CSMD1: variants seen among roughly 807,000 people sequenced by gnomAD.
CSMD1 encodes CUB and sushi domain-containing protein 1.
In CSMD1, 213 loss-of-function variants were observed where a neutral mutation model predicts 417.5. The ratio of observed to expected loss-of-function variants is 0.51; its 90% CI spans 0.46 to 0.57. The LOEUF is 0.57. Among genes scored for constraint, CSMD1 ranks in the 20% least tolerant of loss-of-function variants. CSMD1 has a pLI of 0.00. For missense variants in CSMD1, 6,923 were observed against 4,529.7 expected (o/e 1.53, Z -15.17); for synonymous variants, 2,862 against 1,736.8 (o/e 1.65, Z -16.11).
chr8:4,753,398 A>C (rs1411529907), intron 1 of CSMD1, among the ~76,000 whole-genome samples: 1 of 135,268 alleles, frequency 7.4e-6, no homozygotes, highest in Admixed American at 7.4e-5. Context: ...ACTTTCCACC[A>C]TAAACCACAC....
At chr8:3,327,770 T>A (rs1388231477) in intron 23 of CSMD1, among the ~76,000 whole-genome samples, 1 of 152,218 alleles carries the variant, frequency 6.6e-6, no homozygotes, top group Admixed American at 6.5e-5. Flanking sequence ...TAAATCAGTT[T>A]ATCTTTTAAA....
chr8:3,799,297 G>A (rs1244187097), intron 5 of CSMD1, among the ~76,000 whole-genome samples: 3 of 151,188 alleles, frequency 2.0e-5, no homozygotes, highest in Non-Finnish European at 4.4e-5. Context: ...TGCACAATGT[G>A]CAGGTTTGTT....
At chr8:4,666,779 C>T (rs1156915491) in intron 1 of CSMD1, among the ~76,000 whole-genome samples, 1 of 152,056 alleles carries the variant, frequency 6.6e-6, no homozygotes, top group African/African-American at 2.4e-5. Flanking sequence ...TTTGCAAAAA[C>T]GTTCTCACAT....
intron 1 of CSMD1, among the ~76,000 whole-genome samples, chr8:4,988,828 G>T (rs10088814): frequency 0.039 from 5,936 of 152,244 alleles, 370 homozygotes; most frequent in African/African-American, 0.13. Flanking sequence ...TCTGCTGGAG[G>T]GAAAAAACAA....
chr8:3,917,907 G>T (rs2912295), intron 5 of CSMD1, among the ~76,000 whole-genome samples: 33,251 of 151,974 alleles, frequency 0.22, 4,365 homozygotes, highest in African/African-American at 0.35. Context: ...AAAATTTAAA[G>T]TTCTCAGTGT....
At chr8:4,273,588 T>A (rs1804736542) in intron 3 of CSMD1, among the ~76,000 whole-genome samples, 1 of 152,204 alleles carries the variant, frequency 6.6e-6, no homozygotes, top group African/African-American at 2.4e-5. Flanking sequence ...TTATCATTTG[T>A]CGTTCATTTG....
chr8:3,373,407 G>C (rs1810100374), intron 18 of CSMD1: 2 of 152,088 alleles, frequency 1.3e-5, no homozygotes, highest in African/African-American at 2.4e-5. Context: ...GATTTATATG[G>C]GTGCAAACAC....
intron 50 of CSMD1, among the ~76,000 whole-genome samples, chr8:3,042,929 A>G (rs768925580): frequency 1.1e-4 from 16 of 151,972 alleles, no homozygotes; most frequent in Non-Finnish European, 2.1e-4. Flanking sequence ...GGTGATATAT[A>G]TATAGTATAT....
At chr8:4,053,798 T>C (rs1165710447) in intron 3 of CSMD1, among the ~76,000 whole-genome samples, 1 of 152,162 alleles carries the variant, frequency 6.6e-6, no homozygotes, top group Non-Finnish European at 1.5e-5. Context: ...ACCAGTATGT[T>C]TAAATGCCTA....
At chr8:4,648,569 C>G (rs1585389331) in intron 1 of CSMD1, among the ~76,000 whole-genome samples, 2 of 152,106 alleles carry the variant, frequency 1.3e-5, no homozygotes, top group South Asian at 2.1e-4. Context: ...TAGTGTCTAT[C>G]TGCACAAAAA....
chr8:3,740,295 G>T (rs1261202121), intron 6 of CSMD1, among the ~76,000 whole-genome samples: 14 of 152,092 alleles, frequency 9.2e-5, no homozygotes, highest in Admixed American at 9.2e-4. Flanking sequence ...TAGTACAGAT[G>T]GGGTTTGACC....
rs1797788119 is a variant in CSMD1 at position 3,214,611 on chromosome 8, T to C, written c.4753A>G (p.Thr1585Ala). ...CCAGAGTCACACTGGTAGGTGATGG[T>C]GGAGCCAAGCTTGAAGTCTGTTCCA... The part of the protein sequence containing the change: ...RVGTDFKLGS[T>A]ITYQCDSGYK... Residue 1585 changes from threonine (T) to alanine (A), a missense_variant, in exon 30 of 70, where the codon ACC becomes GCC. Coordinates refer to ENST00000635120, the MANE Select transcript of CSMD1 (RefSeq NM_033225.6). 1.3e-6 allele frequency: 2 copies of C among 1,561,836 alleles called. No homozygotes were observed. The highest frequency in any genetic ancestry group is 8.7e-7 in the Non-Finnish European group (1 of 1,152,440).
At chr8:4,176,952 G>C (rs899786990) in intron 3 of CSMD1, among the ~76,000 whole-genome samples, 8 of 151,006 alleles carry the variant, frequency 5.3e-5, no homozygotes, top group African/African-American at 2.0e-4. Flanking sequence ...GACCTACAAA[G>C]AGACTTAGAC....
At chr8:4,367,462 T>C (rs1223134061) in intron 3 of CSMD1, among the ~76,000 whole-genome samples, 1 of 152,172 alleles carries the variant, frequency 6.6e-6, no homozygotes, top group Non-Finnish European at 1.5e-5. Context: ...ATTAATGTAG[T>C]CCTGCAGTAC....
At chr8:4,408,754 G>A (rs1463578396) in intron 3 of CSMD1, among the ~76,000 whole-genome samples, 3 of 152,116 alleles carry the variant, frequency 2.0e-5, no homozygotes, top group Non-Finnish European at 1.5e-5. Flanking sequence ...TATCTATTGT[G>A]CAGGTGAGGC....
chr8:4,122,714 G>A (rs1485974505), intron 3 of CSMD1, among the ~76,000 whole-genome samples: 1 of 152,084 alleles, frequency 6.6e-6, no homozygotes, highest in East Asian at 1.9e-4. Context: ...CTGTAACCCA[G>A]GATTTTTTCC....
chr8:4,691,925 C>G (rs982080496), intron 1 of CSMD1, among the ~76,000 whole-genome samples: 1 of 152,214 alleles, frequency 6.6e-6, no homozygotes, highest in African/African-American at 2.4e-5. Context: ...TCTCCTCACT[C>G]CCTATAACTA....
chr8:3,791,718 G>C (rs931284249), intron 5 of CSMD1, among the ~76,000 whole-genome samples: 1 of 152,128 alleles, frequency 6.6e-6, no homozygotes, highest in Non-Finnish European at 1.5e-5. Flanking sequence ...AGCAACTCAG[G>C]AGGCTGAAGC....
At chr8:3,810,774 G>A (rs921865215) in intron 5 of CSMD1, among the ~76,000 whole-genome samples, 1 of 152,254 alleles carries the variant, frequency 6.6e-6, no homozygotes, top group Non-Finnish European at 1.5e-5. Context: ...TCATGGTGTT[G>A]CATCACTGGG....
Sources: gnomAD v4.1 joint callset for allele counts (sites outside exome capture counted in the v4.1 genomes callset) on GRCh38, gnomAD v4.1.1 for gene constraint, MANE v1.5 for transcripts, NCBI Gene and HGNC (gene_info 2026-07-23, HGNC 2026-07-21) for gene names.